The following ST8SIA4 variants were observed in gnomAD, a reference collection of about 807,000 sequenced individuals.
ST8SIA4 encodes ST8 alpha-N-acetyl-neuraminide alpha-2,8-sialyltransferase 4.
ST8SIA4 carries 15 observed loss-of-function variants against 33.9 expected under a neutral mutation model. That is an observed-to-expected ratio of 0.44 (90% CI 0.30 to 0.68). The LOEUF is 0.68. Among genes scored for constraint, ST8SIA4 ranks in the 30% least tolerant of loss-of-function variants. The pLI, the probability that ST8SIA4 is intolerant of heterozygous loss-of-function variation, is 0.10. For missense variants in ST8SIA4, 321 were observed against 428.0 expected (o/e 0.75, Z 2.21); for synonymous variants, 171 against 151.2 (o/e 1.13, Z -0.96).
chr5:100,812,152 C>A, intron 4 of ST8SIA4, 23 bp from the exon 5 acceptor site: 1 of 1,595,206 alleles, frequency 6.3e-7, no homozygotes. Flanking sequence ...AAAACAAAAT[C>A]AAGAAGAGAA....
intron 4 of ST8SIA4, among the ~76,000 whole-genome samples, chr5:100,817,318 C>G (rs918386971): frequency 5.3e-5 from 8 of 151,844 alleles, no homozygotes; most frequent in Non-Finnish European, 8.8e-5. Flanking sequence ...TGCACATTCT[C>G]AACTCTAGAG....
intron 3 of ST8SIA4, among the ~76,000 whole-genome samples, chr5:100,875,840 TTAA>T (rs1752292628): frequency 1.3e-5 from 2 of 152,208 alleles, no homozygotes; most frequent in Admixed American, 6.5e-5. Context: ...AGAATTTTCA[TTAA>T]TGTGGACTCT....
At chr5:100,813,129 G>A (rs1750847796) in intron 4 of ST8SIA4, among the ~76,000 whole-genome samples, 1 of 151,888 alleles carries the variant, frequency 6.6e-6, no homozygotes, top group Non-Finnish European at 1.5e-5. Flanking sequence ...TAATAAGCTT[G>A]CTTTAGATTT....
At chr5:100,841,141 G>T (rs530681730) in intron 4 of ST8SIA4, among the ~76,000 whole-genome samples, 3 of 151,966 alleles carry the variant, frequency 2.0e-5, no homozygotes, top group African/African-American at 7.2e-5. Flanking sequence ...TTCTACACAG[G>T]TTACTGATTT....
At chr5:100,819,871 T>C (rs888452520) in intron 4 of ST8SIA4, among the ~76,000 whole-genome samples, 2 of 152,174 alleles carry the variant, frequency 1.3e-5, no homozygotes, top group African/African-American at 4.8e-5. Flanking sequence ...AATGATGGTT[T>C]TATTTTTAAC....
At chr5:100,855,681 T>C (rs1250998476) in intron 4 of ST8SIA4, among the ~76,000 whole-genome samples, 1 of 152,230 alleles carries the variant, frequency 6.6e-6, no homozygotes, top group Non-Finnish European at 1.5e-5. Flanking sequence ...TTCTCACTAC[T>C]AGGCCTCTTG....
chr5:100,869,356 G>A (rs945333627), intron 3 of ST8SIA4, among the ~76,000 whole-genome samples: 1 of 152,006 alleles, frequency 6.6e-6, no homozygotes, highest in African/African-American at 2.4e-5. Context: ...ATCTATAGAA[G>A]GATAGATCTA....
Position 100,807,352 on chromosome 5 carries a change from A to G in ST8SIA4, c.*4495T>C, listed in dbSNP as rs1010258431. 3.3e-5 allele frequency: 5 copies of G among 152,580 alleles called. No individual in the cohort carries two copies. Among genetic ancestry groups the G allele is most frequent in the Non-Finnish European group, 7.4e-5 (5 of 67,968 alleles). The allele number at this position is 152,580 out of a possible 1,614,324, so 9.5% of individuals were successfully genotyped here. On this transcript the variant is annotated 3_prime_UTR_variant, in exon 5 of 5. Coordinates refer to ENST00000231461, the MANE Select transcript of ST8SIA4 (RefSeq NM_005668.6). ...CTCATCTTTCAGTTCCACAAATTCT[A>G]TAAGAAATACTCAGTAGCAATTATT... is the stretch of plus-strand genomic sequence containing the variant.
intron 3 of ST8SIA4, among the ~76,000 whole-genome samples, chr5:100,884,280 A>G (rs886674656): frequency 6.6e-6 from 1 of 152,242 alleles, no homozygotes; most frequent in Non-Finnish European, 1.5e-5. Context: ...TTGCTGGAGT[A>G]GCACCAGAGT....
intron 4 of ST8SIA4, among the ~76,000 whole-genome samples, chr5:100,821,654 A>AAT (rs10679885): frequency 0.57 from 86,817 of 151,256 alleles, 25,513 homozygotes; most frequent in South Asian, 0.73. Context: ...TGAATAATGT[A>AAT]ACATTCTTGC....
chr5:100,844,693 A>G (rs1472948906), intron 4 of ST8SIA4, among the ~76,000 whole-genome samples: 1 of 152,028 alleles, frequency 6.6e-6, no homozygotes, highest in African/African-American at 2.4e-5. Context: ...TAAGAAACAA[A>G]ACTTCCAGCT....
chr5:100,822,842 A>T (rs1751056559), intron 4 of ST8SIA4, among the ~76,000 whole-genome samples: 1 of 152,164 alleles, frequency 6.6e-6, no homozygotes, highest in Non-Finnish European at 1.5e-5. Context: ...ACCGTTTGCA[A>T]TAAAGAAACC....
At chr5:100,852,337 G>T (rs1322032612) in intron 4 of ST8SIA4, among the ~76,000 whole-genome samples, 1 of 151,006 alleles carries the variant, frequency 6.6e-6, no homozygotes, top group African/African-American at 2.4e-5. Flanking sequence ...GGCCAGGCTC[G>T]TCTCAAACTC....
At chr5:100,875,756 G>T (rs764031624) in intron 3 of ST8SIA4, among the ~76,000 whole-genome samples, 1 of 152,064 alleles carries the variant, frequency 6.6e-6, no homozygotes, top group African/African-American at 2.4e-5. Context: ...TAAACTTGAC[G>T]TTTATCTTTT....
intron 4 of ST8SIA4, among the ~76,000 whole-genome samples, chr5:100,842,095 T>C (rs1751482169): frequency 6.6e-6 from 1 of 151,936 alleles, no homozygotes; most frequent in Non-Finnish European, 1.5e-5. Context: ...TTCAAATATT[T>C]TACTACTTCA....
chr5:100,842,128 A>C (rs1176615500), intron 4 of ST8SIA4, among the ~76,000 whole-genome samples: 1 of 151,950 alleles, frequency 6.6e-6, no homozygotes, highest in Non-Finnish European at 1.5e-5. Context: ...AATGAAAAAT[A>C]TCTGTATTTC....
At chr5:100,823,729 CTG>C (rs1751080589) in intron 4 of ST8SIA4, among the ~76,000 whole-genome samples, 1 of 152,180 alleles carries the variant, frequency 6.6e-6, no homozygotes. Context: ...GCAGTGAAAA[CTG>C]ATCATGTGGT....
chr5:100,828,329 G>T (rs1751184189), intron 4 of ST8SIA4, among the ~76,000 whole-genome samples: 1 of 152,104 alleles, frequency 6.6e-6, no homozygotes, highest in African/African-American at 2.4e-5. Flanking sequence ...TTTGTGCCAG[G>T]CAAGCAGCTT....
chr5:100,885,931 A>G, intron 3 of ST8SIA4: 1 of 818,256 alleles, frequency 1.2e-6, no homozygotes, highest in Non-Finnish European at 1.5e-6. Context: ...AATTATTAAT[A>G]AAAAGTAACA....
Sources: allele counts gnomAD v4.1 joint callset (sites outside exome capture counted in the v4.1 genomes callset), GRCh38; gene constraint gnomAD v4.1.1; transcripts MANE v1.5; gene names NCBI Gene and HGNC (gene_info 2026-07-23, HGNC 2026-07-21).